The following YEATS2 variants were observed in gnomAD, a reference collection of about 807,000 sequenced individuals.
YEATS2 encodes YEATS domain-containing protein 2.
YEATS2 carries 77 observed loss-of-function variants against 163.2 expected under a neutral mutation model. The observed-to-expected ratio is 0.47, with a 90% CI of 0.39 to 0.57. The LOEUF (loss-of-function observed/expected upper bound fraction) is 0.57, where lower values mean the gene tolerates loss of function less well. Ranked by LOEUF, YEATS2 falls within the 20% of genes least tolerant of loss-of-function variation. The probability of loss-of-function intolerance (pLI) is 0.00; values close to 1 mark genes in which losing one functional copy is unlikely to be tolerated. For missense variants in YEATS2, 1,549 were observed against 1,729.8 expected (o/e 0.90, Z 1.85); for synonymous variants, 631 against 645.1 (o/e 0.98, Z 0.33).
rs1706242408 is a variant in YEATS2 at position 183,762,095 on chromosome 3, A to G, written c.1765-2A>G. ...ATTCAGTGTCATTATGTTTGTTGCAAGGTGATCATCAAACAGGAACCTGGT... is the reference window on the plus strand; with the variant it reads ...ATTCAGTGTCATTATGTTTGTTGCAGGGTGATCATCAAACAGGAACCTGGT... On this transcript the variant is annotated splice_acceptor_variant, in intron 14 of 30. Transcript: ENST00000305135. LOFTEE classifies it high-confidence loss of function. 6.2e-7 allele frequency: 1 copy of G among 1,613,980 alleles called. No individual in the cohort carries two copies. The highest frequency in any genetic ancestry group is 8.5e-7 in the Non-Finnish European group (1 of 1,180,006).
intron 30 of YEATS2, 149 bp from the exon 31 acceptor site, chr3:183,810,326 C>G (rs1207403143): frequency 3.1e-6 from 2 of 651,256 alleles, no homozygotes; most frequent in African/African-American, 3.6e-5. Context: ...AGTCCTCACC[C>G]CAGAGTGGCC....
At chr3:183,738,710 T>C (rs1218935334) in intron 8 of YEATS2, among the ~76,000 whole-genome samples, 4 of 137,124 alleles carry the variant, frequency 2.9e-5, no homozygotes, top group African/African-American at 1.1e-4. Context: ...ATTTCATCCA[T>C]GTCCCTACAA....
Position 183,804,020 on chromosome 3 carries a change from C to A in YEATS2, c.3616C>A (p.Gln1206Lys). Reference protein sequence around the residue: ...QRAMTMRKVLQEILEKNPRFH... With the variant: ...QRAMTMRKVLKEILEKNPRFH... ...AGCAATGACAATGCGAAAAGTCTTACAAGAAATCCTGGAGAAGAATCCGAG... is the reference window on the plus strand; with the variant it reads ...AGCAATGACAATGCGAAAAGTCTTAAAAGAAATCCTGGAGAAGAATCCGAG... The change falls in exon 27 of 31, where the codon CAA becomes AAA. Residue 1206 changes from glutamine (Q) to lysine (K), a missense_variant. Transcript: ENST00000305135. The A allele has an allele frequency of 1.9e-6, 3 of 1,614,060 alleles. No individual in the cohort carries two copies. Among genetic ancestry groups the A allele is most frequent in the Non-Finnish European group, 2.5e-6 (3 of 1,180,010 alleles).
intron 9 of YEATS2, among the ~76,000 whole-genome samples, chr3:183,751,505 A>G (rs1270038313): frequency 1.3e-5 from 2 of 152,210 alleles, no homozygotes; most frequent in African/African-American, 4.8e-5. Context: ...GAAGGTACTT[A>G]TTGAGCGCTG....
chr3:183,708,757 G>A (rs1037401864), intron 1 of YEATS2, among the ~76,000 whole-genome samples: 13 of 151,994 alleles, frequency 8.6e-5, no homozygotes, highest in African/African-American at 2.7e-4. Context: ...CCATCTACTC[G>A]GAAGGCTGAG....
At chr3:183,708,257 G>T (rs570075465) in intron 1 of YEATS2, among the ~76,000 whole-genome samples, 143 of 151,486 alleles carry the variant, frequency 9.4e-4, no homozygotes, top group Non-Finnish European at 1.6e-3. Context: ...TGCCTCCTGG[G>T]TTCAAGCAGT....
chr3:183,715,246 A>G lies in YEATS2; in HGVS notation c.84A>G (p.Lys28=). 6.2e-7 allele frequency: 1 copy of G among 1,608,886 alleles called. No individual in the cohort carries two copies. ...VSVALPNKRH[K]AIENSARDAA... ...TGGCCCTTCCAAATAAGCGGCATAA[A>G]GCAATTGAGAATTCAGGTAGAAATC... Residue 28 remains lysine (K), a synonymous_variant, in exon 2 of 31, where the codon AAA becomes AAG. Transcript: ENST00000305135.
intron 13 of YEATS2, among the ~76,000 whole-genome samples, chr3:183,761,248 C>T (rs1007965808): frequency 3.3e-5 from 5 of 151,952 alleles, no homozygotes; most frequent in Admixed American, 1.3e-4. Flanking sequence ...CCACCACACC[C>T]GGCTAATTTT....
chr3:183,762,304 AT>A (rs1721448060), intron 15 of YEATS2, 25 bp downstream of exon 15: 1 of 1,536,778 alleles, frequency 6.5e-7, no homozygotes, highest in East Asian at 2.3e-5. Flanking sequence ...GAGATGGGAA[AT>A]TTCACATGTA....
At chr3:183,711,603 CATG>C (rs1415430434) in intron 1 of YEATS2, among the ~76,000 whole-genome samples, 1 of 151,724 alleles carries the variant, frequency 6.6e-6, no homozygotes, top group African/African-American at 2.4e-5. Context: ...TGGCTTGATT[CATG>C]ATGTTTATAA....
intron 1 of YEATS2, among the ~76,000 whole-genome samples, chr3:183,700,765 C>T (rs1319019856): frequency 5.1e-5 from 5 of 97,176 alleles, no homozygotes; most frequent in Admixed American, 1.6e-4. Context: ...AGGGAGACTT[C>T]GTCTCAAAAA....
Position 183,790,891 on chromosome 3 carries a change from G to A in YEATS2, c.3008G>A (p.Gly1003Glu), listed in dbSNP as rs756154372. The A allele has an allele frequency of 2.5e-6, 4 of 1,614,108 alleles. No homozygotes were observed. In the Admixed American group the frequency reaches 6.7e-5, roughly 27 times the overall value. The part of the protein sequence containing the change: ...QQVCVSQATV[G>E]TCKAATPTVV... The stretch of plus-strand genomic sequence containing the variant: ...GTGTGTGTGAGCCAGGCCACCGTGG[G>A]AACCTGCAAGGCTGCCACCCCCACC... The change falls in exon 21 of 31, where the codon GGA becomes GAA. Residue 1003 changes from glycine (G) to glutamate (E), a missense_variant. Physicochemically the swap from Gly to Glu is moderately conservative, Grantham distance 98. Coordinates refer to ENST00000305135, the MANE Select transcript of YEATS2 (RefSeq NM_018023.5).
Position 183,722,278 on chromosome 3 carries a change from C to CTTTTTTTTTTTTTTTTTT in YEATS2, c.537+153_537+170dup, listed in dbSNP as rs200048624. On this transcript the variant is annotated intron_variant, in intron 5 of 30. Coordinates refer to ENST00000305135, the MANE Select transcript of YEATS2 (RefSeq NM_018023.5). ...TCCTTTTATAATGGGGAAACCAAAT[C>CTTTTTTTTTTTTTTTTTT]TTTTTTTTTTTTTTTTTTTTTTTTT... 3.8e-5 allele frequency: 11 copies of CTTTTTTTTTTTTTTTTTT among 289,376 alleles called. 1 individual carries two copies. In the African/African-American group the frequency reaches 5.0e-4, roughly 13 times the overall value. 17.9% of individuals were successfully genotyped at this position (289,376 alleles called of 1,614,324 possible).
At chr3:183,703,720 G>C (rs1392570201) in intron 1 of YEATS2, among the ~76,000 whole-genome samples, 1 of 152,000 alleles carries the variant, frequency 6.6e-6, no homozygotes, top group Non-Finnish European at 1.5e-5. Flanking sequence ...TATTAAAATG[G>C]ATATATATTC....
chr3:183,782,668 C>A (rs531875563), intron 19 of YEATS2, among the ~76,000 whole-genome samples: 72 of 152,332 alleles, frequency 4.7e-4, no homozygotes, highest in East Asian at 9.6e-4. Context: ...AGGTGATCTG[C>A]CTGCCTCGGC....
At chr3:183,761,638 C>G in intron 14 of YEATS2, 24 bp downstream of exon 14, 1 of 1,596,058 alleles carries the variant, frequency 6.3e-7, no homozygotes, top group Non-Finnish European at 8.6e-7. Context: ...AGGGCATTGT[C>G]CCACAAGTCA....
At chr3:183,713,845 G>A (rs1380203966) in intron 1 of YEATS2, among the ~76,000 whole-genome samples, 1 of 152,058 alleles carries the variant, frequency 6.6e-6, no homozygotes, top group African/African-American at 2.4e-5. Flanking sequence ...TTGCTCTGTC[G>A]CCCACACTGG....
In YEATS2 at chr3:183,798,960, C is replaced by G. The variant is rs755193768; in HGVS notation, c.3296C>G (p.Pro1099Arg). ...LPVAAPTPVV[P>R]SSAPAAVAKV... ...GTAGCTGCCCCAACTCCAGTTGTCC[C>G]CAGCTCTGCTCCAGCAGCTGTTGCA... The change falls in exon 23 of 31, where the codon CCC becomes CGC. Residue 1099 changes from proline to arginine, a missense_variant. Coordinates refer to ENST00000305135, the MANE Select transcript of YEATS2 (RefSeq NM_018023.5). The G allele has an allele frequency of 6.2e-7, 1 of 1,614,158 alleles. No individual in the cohort carries two copies. Among genetic ancestry groups the G allele is most frequent in the Non-Finnish European group, 8.5e-7 (1 of 1,180,006 alleles).
chr3:183,727,061 A>G (rs1222979570), intron 6 of YEATS2, among the ~76,000 whole-genome samples: 1 of 152,152 alleles, frequency 6.6e-6, no homozygotes, highest in East Asian at 1.9e-4. Context: ...TTGGCCTCCA[A>G]AAGTGCTGAG....
Sources: allele counts gnomAD v4.1 joint callset (sites outside exome capture counted in the v4.1 genomes callset), GRCh38; gene constraint gnomAD v4.1.1; transcripts MANE v1.5; gene names NCBI Gene and HGNC (gene_info 2026-07-23, HGNC 2026-07-21).